Variants in ITGB6 observed in about 807,000 individuals in gnomAD.
The protein encoded by ITGB6 is integrin beta-6.
A neutral mutation model predicts 84.5 loss-of-function variants in ITGB6; 80 were observed. That is an observed-to-expected ratio of 0.95 (90% CI 0.79 to 1.14). The LOEUF is 1.14. Ranked by LOEUF, ITGB6 falls within the 50% of genes most tolerant of loss-of-function variation. The pLI is 0.00. For synonymous variants in ITGB6, 383 were observed against 354.9 expected (o/e 1.08, Z -0.89); for missense variants, 1,006 against 968.0 (o/e 1.04, Z -0.52).
intron 7 of ITGB6, among the ~76,000 whole-genome samples, chr2:160,157,875 C>A (rs1472197798): frequency 1.3e-5 from 2 of 151,914 alleles, no homozygotes; most frequent in African/African-American, 2.4e-5. Flanking sequence ...GAGCTAGGGG[C>A]GGACTGGGTT....
chr2:160,113,971 T>C (rs1317768196), intron 12 of ITGB6, among the ~76,000 whole-genome samples: 2 of 152,208 alleles, frequency 1.3e-5, no homozygotes, highest in Non-Finnish European at 2.9e-5. Flanking sequence ...AGGCTCACTC[T>C]GCTCGCCTTG....
chr2:160,145,229 C>T (rs1472803709), intron 7 of ITGB6, among the ~76,000 whole-genome samples: 1 of 152,174 alleles, frequency 6.6e-6, no homozygotes, highest in East Asian at 1.9e-4. Flanking sequence ...AAATGGTGAA[C>T]ACTGCAAACA....
chr2:160,128,356 G>A (rs1559119360), intron 10 of ITGB6, among the ~76,000 whole-genome samples: 1 of 151,974 alleles, frequency 6.6e-6, no homozygotes, highest in Admixed American at 6.6e-5. Flanking sequence ...ACTTTCCTAT[G>A]GATACAGCCA....
At chr2:160,104,468 C>A (rs1300900913) in intron 14 of ITGB6, among the ~76,000 whole-genome samples, 1 of 152,178 alleles carries the variant, frequency 6.6e-6, no homozygotes. Flanking sequence ...TTTCCCCTAA[C>A]CATTTGGGGT....
chr2:160,179,352 G>A (rs530742284), intron 4 of ITGB6, among the ~76,000 whole-genome samples: 3 of 151,016 alleles, frequency 2.0e-5, no homozygotes, highest in African/African-American at 7.3e-5. Flanking sequence ...GAACATAGAG[G>A]AAATCCATTC....
intron 4 of ITGB6, among the ~76,000 whole-genome samples, chr2:160,189,667 C>G (rs907866274): frequency 2.3e-4 from 35 of 152,078 alleles, no homozygotes; most frequent in Admixed American, 1.4e-3. Context: ...CCATCTCACA[C>G]CAGTTAGAAT....
Position 160,112,178 on chromosome 2 carries a change from A to G in ITGB6, c.2003T>C (p.Val668Ala). The change falls in exon 13 of 15, where the codon GTT becomes GCT. Residue 668 changes from valine (V) to alanine (A), a missense_variant. Physicochemically the swap from Val to Ala is moderately conservative, Grantham distance 64 (BLOSUM62 0). Coordinates refer to ENST00000283249, the MANE Select transcript of ITGB6 (RefSeq NM_000888.5). ...ATTTTCTCCTTGCAGAGAGCAGGAA[A>G]CAGAACCATCCTTTGAGAAATCTGC... ...EEEDFSKDGS[V>A]SCSLQGENEC... is the part of the protein sequence containing the mutation. The G allele has an allele frequency of 6.2e-7, 1 of 1,612,552 alleles. No homozygotes were observed.
chr2:160,128,638 C>T (rs1458271828), intron 10 of ITGB6, among the ~76,000 whole-genome samples: 2 of 151,956 alleles, frequency 1.3e-5, no homozygotes, highest in Non-Finnish European at 2.9e-5. Flanking sequence ...GGTGTGGGTG[C>T]GATTGGTGCC....
At chr2:160,131,091 A>C (rs1683451381) in intron 10 of ITGB6, among the ~76,000 whole-genome samples, 1 of 152,214 alleles carries the variant, frequency 6.6e-6, no homozygotes, top group Non-Finnish European at 1.5e-5. Flanking sequence ...CAACAACAAC[A>C]AAACTGTCAT....
chr2:160,101,228 G>A lies in ITGB6; in HGVS notation c.*508C>T. 1 of 153,268 alleles carries A rather than the reference G, an allele frequency of 6.5e-6. No individual in the cohort carries two copies. The highest frequency in any genetic ancestry group is 1.5e-5 in the Non-Finnish European group (1 of 68,940). The allele number at this position is 153,268 out of a possible 1,614,324, so 9.5% of individuals were successfully genotyped here. Reference sequence around the variant, plus strand: ...TATTTGAGATATCTTCAGAAGAATTGCAACCTTTTAGCTGAAATAAACTCA... The same window carrying A: ...TATTTGAGATATCTTCAGAAGAATTACAACCTTTTAGCTGAAATAAACTCA... On this transcript the variant is annotated 3_prime_UTR_variant, in exon 15 of 15. Coordinates refer to ENST00000283249, the MANE Select transcript of ITGB6 (RefSeq NM_000888.5).
chr2:160,118,023 T>C lies in ITGB6; in HGVS notation c.1981+5768A>G, dbSNP rs1460995333. ...GCTCTGAAATTGTGGCAATAATCAATAGCTTACCAACCAAAAAAAGTCCAG... is the reference window on the plus strand; with the variant it reads ...GCTCTGAAATTGTGGCAATAATCAACAGCTTACCAACCAAAAAAAGTCCAG... On this transcript the variant is annotated intron_variant, in intron 12 of 14. Coordinates refer to ENST00000283249, the MANE Select transcript of ITGB6 (RefSeq NM_000888.5). Among the ~76,000 whole-genome samples, 3 of 152,258 alleles carry C rather than the reference T, an allele frequency of 2.0e-5. No individual in the cohort carries two copies. In the East Asian group the frequency reaches 5.8e-4, roughly 29 times the overall value.
At chr2:160,117,173 A>T (rs1183703418) in intron 12 of ITGB6, among the ~76,000 whole-genome samples, 1 of 152,150 alleles carries the variant, frequency 6.6e-6, no homozygotes, top group African/African-American at 2.4e-5. Context: ...CCTAATAGAC[A>T]TCTACAGAAC....
intron 4 of ITGB6, among the ~76,000 whole-genome samples, chr2:160,179,943 C>CAAAAAA (rs60463723): frequency 9.7e-6 from 1 of 102,974 alleles, no homozygotes; most frequent in Admixed American, 1.1e-4. Flanking sequence ...ACTAAAAATA[C>CAAAAAA]AAAAAAAAAA....
intron 4 of ITGB6, among the ~76,000 whole-genome samples, chr2:160,187,279 A>G (rs1039679313): frequency 2.6e-5 from 4 of 152,202 alleles, no homozygotes; most frequent in Admixed American, 1.3e-4. Flanking sequence ...ACAAAGCATC[A>G]TATTACAAAA....
chr2:160,114,287 C>T (rs866615981), intron 12 of ITGB6, among the ~76,000 whole-genome samples: 18 of 152,244 alleles, frequency 1.2e-4, no homozygotes, highest in South Asian at 6.2e-4. Flanking sequence ...AAATGTGCAA[C>T]GACAGATTTG....
At position 160,107,548 on chromosome 2, in the gene ITGB6, A is replaced by G. The variant is rs13008664; in HGVS notation, c.2268+131T>C. On this transcript the variant is annotated intron_variant, in intron 14 of 14. Coordinates refer to ENST00000283249, the MANE Select transcript of ITGB6 (RefSeq NM_000888.5). ...GCAGAACAGAAATCAAAGCTGTTGG[A>G]GTCATGGCGAGAGTGGGAGAGAAAA... is the stretch of plus-strand genomic sequence containing the variant. The G allele has an allele frequency of 0.43, 322,758 of 758,344 alleles. 74,108 individuals carry two copies. The highest frequency in any genetic ancestry group is 0.49 in the Non-Finnish European group (225,052 of 455,482). The allele number at this position is 758,344 out of a possible 1,614,324, so 47.0% of individuals were successfully genotyped here.
At chr2:160,135,510 A>C (rs1683671957) in intron 10 of ITGB6, among the ~76,000 whole-genome samples, 1 of 152,108 alleles carries the variant, frequency 6.6e-6, no homozygotes, top group African/African-American at 2.4e-5. Flanking sequence ...TGCCATCCCC[A>C]TCAAGCTACC....
chr2:160,149,354 G>A (rs1345159429), intron 7 of ITGB6, among the ~76,000 whole-genome samples: 1 of 152,220 alleles, frequency 6.6e-6, no homozygotes, highest in Admixed American at 6.5e-5. Context: ...CACACCTGCA[G>A]CTGAGGGACA....
chr2:160,175,607 T>C (rs562738977), intron 4 of ITGB6, among the ~76,000 whole-genome samples: 2 of 152,338 alleles, frequency 1.3e-5, no homozygotes, highest in South Asian at 4.1e-4. Flanking sequence ...AATGCTGAAA[T>C]GCTGTTTAGT....
Sources: gnomAD v4.1 joint callset for allele counts (sites outside exome capture counted in the v4.1 genomes callset) on GRCh38, gnomAD v4.1.1 for gene constraint, MANE v1.5 for transcripts, NCBI Gene and HGNC (gene_info 2026-07-23, HGNC 2026-07-21) for gene names.